Variants in SGCZ observed in about 807,000 individuals in gnomAD.
The protein encoded by SGCZ is zeta-sarcoglycan.
Under a neutral mutation model 41.3 loss-of-function variants are expected in SGCZ, and 40 were observed. That is an observed-to-expected ratio of 0.97 (90% CI 0.75 to 1.26). The LOEUF (loss-of-function observed/expected upper bound fraction) is 1.26. Ranked by LOEUF, SGCZ falls within the 50% of genes most tolerant of loss-of-function variation. The pLI is 0.00. For missense variants in SGCZ, 552 were observed against 369.8 expected (o/e 1.49, Z -4.04); for synonymous variants, 206 against 137.5 (o/e 1.50, Z -3.49).
At chr8:14,625,791 C>T (rs533683745) in intron 1 of SGCZ, among the ~76,000 whole-genome samples, 4 of 152,210 alleles carry the variant, frequency 2.6e-5, no homozygotes, top group Admixed American at 6.5e-5. Flanking sequence ...CTATATATTC[C>T]GACCCCATTA....
chr8:14,555,070 T>C (rs1803993531), intron 1 of SGCZ, 144 bp from the exon 2 acceptor site: 2 of 701,116 alleles, frequency 2.9e-6, no homozygotes, highest in East Asian at 2.8e-5. Flanking sequence ...TGTTGTGTAA[T>C]TAAAATGTTA....
At chr8:14,614,748 T>C (rs181462791) in intron 1 of SGCZ, among the ~76,000 whole-genome samples, 9 of 152,254 alleles carry the variant, frequency 5.9e-5, no homozygotes, top group Non-Finnish European at 1.0e-4. Context: ...TAGTTTTTGA[T>C]AAGTGAAGAG....
intron 1 of SGCZ, among the ~76,000 whole-genome samples, chr8:14,794,121 T>A (rs1369958788): frequency 6.6e-6 from 1 of 152,136 alleles, no homozygotes; most frequent in Non-Finnish European, 1.5e-5. Flanking sequence ...AATCAATATA[T>A]TCAACTCCTA....
chr8:15,185,532 T>C (rs77451302), intron 1 of SGCZ, among the ~76,000 whole-genome samples: 2,751 of 152,298 alleles, frequency 0.018, 90 homozygotes, highest in African/African-American at 0.063. Context: ...GAAATCTATT[T>C]ATTGCCTCGA....
intron 1 of SGCZ, among the ~76,000 whole-genome samples, chr8:15,217,040 G>A (rs552233304): frequency 7.9e-5 from 12 of 151,590 alleles, no homozygotes; most frequent in Non-Finnish European, 2.9e-5. Context: ...CTGCTTATGC[G>A]CTTATATTCT....
At chr8:15,051,869 G>A (rs1317062650) in intron 1 of SGCZ, among the ~76,000 whole-genome samples, 3 of 152,186 alleles carry the variant, frequency 2.0e-5, no homozygotes, top group African/African-American at 7.2e-5. Context: ...ATTTGAGCTG[G>A]AAGGATAGGA....
intron 1 of SGCZ, among the ~76,000 whole-genome samples, chr8:15,179,123 A>G (rs190938251): frequency 1.2e-4 from 19 of 152,270 alleles, no homozygotes; most frequent in Middle Eastern, 3.4e-3. Flanking sequence ...ATAAGACTAA[A>G]ATAGTAAATT....
At chr8:14,242,860 T>C (rs550883927) in intron 3 of SGCZ, among the ~76,000 whole-genome samples, 1 of 152,268 alleles carries the variant, frequency 6.6e-6, no homozygotes, top group South Asian at 2.1e-4. Flanking sequence ...TTCTGAAATG[T>C]CAAACCAATA....
intron 1 of SGCZ, among the ~76,000 whole-genome samples, chr8:14,764,073 A>G (rs2252336): frequency 0.71 from 108,183 of 152,088 alleles, 39,577 homozygotes; most frequent in African/African-American, 0.89. Flanking sequence ...ACAGCATTTT[A>G]TTTTGTCAGG....
chr8:14,104,937 C>T (rs1399844038), intron 6 of SGCZ, among the ~76,000 whole-genome samples: 1 of 151,956 alleles, frequency 6.6e-6, no homozygotes, highest in Non-Finnish European at 1.5e-5. Flanking sequence ...TAATGGATCT[C>T]AGATCCAAAA....
intron 1 of SGCZ, among the ~76,000 whole-genome samples, chr8:14,641,566 C>T (rs571432063): frequency 6.6e-6 from 1 of 151,566 alleles, no homozygotes; most frequent in African/African-American, 2.4e-5. Context: ...TTCAGAGGCA[C>T]AGAGAAAAAC....
intron 1 of SGCZ, among the ~76,000 whole-genome samples, chr8:15,129,945 C>T (rs1807840770): frequency 1.3e-5 from 2 of 152,008 alleles, no homozygotes; most frequent in African/African-American, 2.4e-5. Context: ...TATACATATA[C>T]ATATGTATAT....
intron 1 of SGCZ, among the ~76,000 whole-genome samples, chr8:15,136,387 A>G (rs534485481): frequency 5.3e-5 from 8 of 152,090 alleles, no homozygotes; most frequent in African/African-American, 1.7e-4. Context: ...TCACTCCAGC[A>G]TACTTGATAA....
chr8:14,274,693 C>T (rs1215611184), intron 3 of SGCZ, among the ~76,000 whole-genome samples: 2 of 151,976 alleles, frequency 1.3e-5, no homozygotes, highest in African/African-American at 2.4e-5. Context: ...CAAATGTGCC[C>T]TTTCTTCATA....
intron 1 of SGCZ, among the ~76,000 whole-genome samples, chr8:14,800,320 C>A (rs921231717): frequency 3.9e-5 from 6 of 152,000 alleles, no homozygotes; most frequent in African/African-American, 1.4e-4. Flanking sequence ...TAATACTTAA[C>A]CTGTTGTACC....
intron 1 of SGCZ, among the ~76,000 whole-genome samples, chr8:15,137,777 G>T (rs546986126): frequency 1.3e-5 from 2 of 152,370 alleles, no homozygotes; most frequent in Admixed American, 1.3e-4. Flanking sequence ...GCAGAAGTTT[G>T]CTGCAGAGAT....
intron 1 of SGCZ, among the ~76,000 whole-genome samples, chr8:14,914,520 A>G (rs1324575444): frequency 6.7e-6 from 1 of 149,388 alleles, no homozygotes; most frequent in African/African-American, 2.5e-5. Flanking sequence ...GGAAGCAGGT[A>G]AGAGACAGTG....
intron 2 of SGCZ, among the ~76,000 whole-genome samples, chr8:14,532,717 G>A (rs1401533071): frequency 8.6e-6 from 1 of 116,532 alleles, no homozygotes; most frequent in Non-Finnish European, 1.6e-5. Flanking sequence ...TGTGTGGGGG[G>A]AGGGCGGGGG....
chr8:14,501,895 G>A (rs1370049441), intron 2 of SGCZ, among the ~76,000 whole-genome samples: 1 of 151,810 alleles, frequency 6.6e-6, no homozygotes, highest in Non-Finnish European at 1.5e-5. Flanking sequence ...ATTGGTAAAT[G>A]TATATTGAAA....
Sources: gnomAD v4.1 joint callset for allele counts (sites outside exome capture counted in the v4.1 genomes callset) on GRCh38, gnomAD v4.1.1 for gene constraint, MANE v1.5 for transcripts, NCBI Gene and HGNC (gene_info 2026-07-23, HGNC 2026-07-21) for gene names.